The following CD109 variants were observed in gnomAD, a reference collection of about 807,000 sequenced individuals.
CD109 encodes CD109 antigen.
A neutral mutation model predicts 165.8 loss-of-function variants in CD109; 149 were observed. The ratio of observed to expected loss-of-function variants is 0.90; its 90% CI spans 0.79 to 1.03. The LOEUF is 1.03. Among genes scored for constraint, CD109 ranks in the 50% least tolerant of loss-of-function variants. The pLI, the probability that CD109 is intolerant of heterozygous loss-of-function variation, is 0.00. For missense variants in CD109, 1,712 were observed against 1,677.8 expected (o/e 1.02, Z -0.36); for synonymous variants, 585 against 592.1 (o/e 0.99, Z 0.18).
At position 73,828,146 on chromosome 6, in the gene CD109, A is replaced by G. The variant is rs1267358721; in HGVS notation, c.*4513A>G. Reference sequence around the variant, plus strand: ...CTTATTTTGGGAAGCTGTTTTGCATATGAGAAGAACACTGTTGAAATAAGG... The same window carrying G: ...CTTATTTTGGGAAGCTGTTTTGCATGTGAGAAGAACACTGTTGAAATAAGG... On this transcript the variant is annotated 3_prime_UTR_variant, in exon 33 of 33. Transcript: ENST00000287097. 1 of 154,814 alleles carries G rather than the reference A, an allele frequency of 6.5e-6. No individual in the cohort carries two copies. Among genetic ancestry groups the G allele is most frequent in the Non-Finnish European group, 1.5e-5 (1 of 68,212 alleles). 9.6% of individuals were successfully genotyped at this position (154,814 alleles called of 1,614,324 possible).
upstream of CD109, among the ~76,000 whole-genome samples, chr6:73,692,631 G>A (rs187397203): frequency 6.6e-6 from 1 of 152,232 alleles, no homozygotes; most frequent in East Asian, 1.9e-4. Flanking sequence ...TGGTTTGGCT[G>A]TGTCCCCACC....
intron 2 of CD109, among the ~76,000 whole-genome samples, chr6:73,698,852 A>G (rs543269739): frequency 1.3e-5 from 2 of 152,306 alleles, no homozygotes; most frequent in African/African-American, 4.8e-5. Flanking sequence ...TACTAGTTGT[A>G]TGATCTTAGG....
intron 5 of CD109, among the ~76,000 whole-genome samples, chr6:73,750,158 G>A (rs573058155): frequency 6.6e-6 from 1 of 152,290 alleles, no homozygotes; most frequent in African/African-American, 2.4e-5. Flanking sequence ...ACTGGATTTC[G>A]ATTGGAGCAG....
chr6:73,790,260 A>G (rs1322255390), intron 22 of CD109, among the ~76,000 whole-genome samples: 1 of 148,562 alleles, frequency 6.7e-6, no homozygotes, highest in Non-Finnish European at 1.5e-5. Flanking sequence ...ATGCCCGGCT[A>G]ATTTTTTATA....
chr6:73,801,245 G>A (rs182623354), intron 23 of CD109, among the ~76,000 whole-genome samples: 18 of 152,292 alleles, frequency 1.2e-4, no homozygotes, highest in Admixed American at 3.3e-4. Flanking sequence ...ATCTGTATCC[G>A]CTGAGTTTCA....
intron 31 of CD109, among the ~76,000 whole-genome samples, chr6:73,820,091 C>T (rs1283717252): frequency 6.6e-6 from 1 of 152,130 alleles, no homozygotes; most frequent in Non-Finnish European, 1.5e-5. Flanking sequence ...ACATGGCTTG[C>T]ATGAGCTGAG....
intron 2 of CD109, among the ~76,000 whole-genome samples, chr6:73,710,491 C>G (rs1771487300): frequency 6.6e-6 from 1 of 152,078 alleles, no homozygotes; most frequent in Admixed American, 6.6e-5. Flanking sequence ...TAGGAAGAAT[C>G]AATATCTTGA....
intron 2 of CD109, among the ~76,000 whole-genome samples, chr6:73,706,214 C>A (rs892273066): frequency 6.6e-6 from 1 of 152,122 alleles, no homozygotes; most frequent in Admixed American, 6.5e-5. Flanking sequence ...ATCTGGCCAC[C>A]ACTTTATAGG....
rs1171753050 is a variant in CD109 at position 73,818,406 on chromosome 6, G to C, written c.3930G>C (p.Arg1310Ser). Residue 1310 changes from arginine (R) to serine (S), a missense_variant, in exon 31 of 33, where the codon AGG becomes AGC. Arg to Ser is a moderately radical substitution (Grantham distance 110). Transcript: ENST00000287097. ...NVCTSFSGPG[R>S]SGMALMEVNL... ...GATTTAGCTTTTCGGGCCCGGGTAG[G>C]AGTGGCATGGCTCTTATGGAAGTTA... is the stretch of plus-strand genomic sequence containing the variant. 2 of 1,613,744 alleles carry C rather than the reference G, an allele frequency of 1.2e-6. No homozygotes were observed. The highest frequency in any genetic ancestry group is 1.7e-6 in the Non-Finnish European group (2 of 1,179,940).
intron 10 of CD109, 61 bp downstream of exon 10, chr6:73,763,746 G>A: frequency 3.7e-6 from 3 of 810,262 alleles, no homozygotes; most frequent in Non-Finnish European, 1.9e-6. Context: ...AAATAGAATG[G>A]GAAATAATAT....
At chr6:73,684,500 T>C in the CD109 span, among the ~76,000 whole-genome samples, 5 of 150,826 alleles carry the variant, frequency 3.3e-5, no homozygotes, top group African/African-American at 2.4e-5. Flanking sequence ...GGATTATGGG[T>C]GTGAGCCACT....
intron 2 of CD109, among the ~76,000 whole-genome samples, chr6:73,708,632 C>T (rs1185349214): frequency 1.3e-5 from 2 of 152,178 alleles, no homozygotes; most frequent in Non-Finnish European, 2.9e-5. Context: ...AAAAGTGTTC[C>T]TATTTCTCCA....
intron 10 of CD109, among the ~76,000 whole-genome samples, chr6:73,764,889 C>T (rs534251358): frequency 8.3e-4 from 125 of 151,026 alleles, no homozygotes; most frequent in African/African-American, 2.8e-3. Context: ...GGTCGGTAGA[C>T]GTTTCAGGTA....
rs1341083340 is a variant in CD109 at position 73,767,026 on chromosome 6, A to C, written c.1497+16A>C. ...AAGCTATATGGTAATCTCTTATAGA[A>C]TCTAAATTTATGATCTATTATAGAA... On this transcript the variant is annotated intron_variant, in intron 13 of 32. Coordinates refer to ENST00000287097, the MANE Select transcript of CD109 (RefSeq NM_133493.5). 2 of 1,594,062 alleles carry C rather than the reference A, an allele frequency of 1.3e-6. No homozygotes were observed. Among genetic ancestry groups the C allele is most frequent in the African/African-American group, 2.7e-5 (2 of 74,306 alleles).
At chr6:73,729,428 T>C (rs1408743329) in intron 3 of CD109, among the ~76,000 whole-genome samples, 1 of 151,678 alleles carries the variant, frequency 6.6e-6, no homozygotes, top group Admixed American at 6.6e-5. Flanking sequence ...TAAAATGATA[T>C]AGTGCAGGTA....
At chr6:73,807,313 G>A (rs373942504) in intron 25 of CD109, among the ~76,000 whole-genome samples, 1 of 152,126 alleles carries the variant, frequency 6.6e-6, no homozygotes, top group Admixed American at 6.5e-5. Flanking sequence ...TGTATGTATT[G>A]TACTTGCTAT....
chr6:73,821,546 A>T (rs1193090627), intron 32 of CD109, among the ~76,000 whole-genome samples: 2 of 152,248 alleles, frequency 1.3e-5, no homozygotes, highest in African/African-American at 4.8e-5. Context: ...CAGCCATAAA[A>T]AAGAACTAAA....
intron 2 of CD109, among the ~76,000 whole-genome samples, chr6:73,713,390 G>A (rs559259104): frequency 6.6e-5 from 10 of 152,154 alleles, no homozygotes; most frequent in South Asian, 2.1e-4. Flanking sequence ...ACACCATAGC[G>A]TTGGGGAAGA....
chr6:73,775,961 T>C (rs1056969547), intron 15 of CD109, among the ~76,000 whole-genome samples: 2 of 152,242 alleles, frequency 1.3e-5, no homozygotes, highest in African/African-American at 4.8e-5. Flanking sequence ...CTTTTGTGAA[T>C]AGTGCTGCAA....
Sources: gnomAD v4.1 joint callset for allele counts (sites outside exome capture counted in the v4.1 genomes callset) on GRCh38, gnomAD v4.1.1 for gene constraint, MANE v1.5 for transcripts, NCBI Gene and HGNC (gene_info 2026-07-23, HGNC 2026-07-21) for gene names.